SPIDR: variants seen among roughly 807,000 people sequenced by gnomAD.
SPIDR encodes the protein scaffold protein involved in DNA repair, also known as DNA repair-scaffolding protein.
SPIDR carries 93 observed loss-of-function variants against 104.6 expected under a neutral mutation model. That is an observed-to-expected ratio of 0.89 (90% CI 0.75 to 1.06). The LOEUF (loss-of-function observed/expected upper bound fraction) is 1.06. Among genes scored for constraint, SPIDR ranks in the 50% least tolerant of loss-of-function variants. The probability of loss-of-function intolerance (pLI) is 0.00; values close to 1 mark genes in which losing one functional copy is unlikely to be tolerated. For missense variants in SPIDR, 1,154 were observed against 1,111.2 expected, an observed-to-expected ratio of 1.04 and a Z score of -0.55; for synonymous variants, 431 against 416.9, an observed-to-expected ratio of 1.03 and a Z score of -0.41.
intron 8 of SPIDR, among the ~76,000 whole-genome samples, chr8:47,536,745 T>G (rs932746948): frequency 2.0e-5 from 3 of 152,214 alleles, no homozygotes; most frequent in African/African-American, 7.2e-5. Flanking sequence ...GTTTACAAGA[T>G]GAACTTTGTT....
intron 8 of SPIDR, among the ~76,000 whole-genome samples, chr8:47,493,844 A>C (rs901800367): frequency 1.3e-5 from 2 of 152,178 alleles, no homozygotes; most frequent in East Asian, 1.9e-4. Flanking sequence ...GATATTTACT[A>C]TCTAGAATGA....
chr8:47,584,298 A>G (rs2060043838), intron 8 of SPIDR, among the ~76,000 whole-genome samples: 1 of 152,170 alleles, frequency 6.6e-6, no homozygotes, highest in Admixed American at 6.5e-5. Context: ...GATAAAGGAG[A>G]CTTGTGAGTA....
chr8:47,711,678 TTCTA>T lies in SPIDR; in HGVS notation c.1978-975_1978-972del, dbSNP rs532364537. On this transcript the variant is annotated intron_variant, in intron 14 of 19. Transcript: ENST00000297423. ...CACACAACTATATCTACTTCTATATTTCTATCTATCTAAAATCATTATTTCATAC... is the reference window on the plus strand; with the variant it reads ...CACACAACTATATCTACTTCTATATTTCTATCTAAAATCATTATTTCATAC... Among the ~76,000 whole-genome samples, 53 of 152,268 alleles carry T rather than the reference TTCTA, an allele frequency of 3.5e-4. No individual in the cohort carries two copies. The East Asian group carries it at 6.9e-3, about 20-fold the overall frequency.
At chr8:47,500,998 C>G (rs1049318075) in intron 8 of SPIDR, among the ~76,000 whole-genome samples, 3 of 152,138 alleles carry the variant, frequency 2.0e-5, no homozygotes, top group Non-Finnish European at 4.4e-5. Flanking sequence ...TTCCATTGAT[C>G]TATATCTCTG....
intron 8 of SPIDR, among the ~76,000 whole-genome samples, chr8:47,564,999 C>T (rs1313044279): frequency 6.6e-6 from 1 of 152,188 alleles, no homozygotes; most frequent in Non-Finnish European, 1.5e-5. Flanking sequence ...GTAATGCCAG[C>T]ACTTTGGGAG....
chr8:47,706,401 C>G (rs1191136094), intron 14 of SPIDR, among the ~76,000 whole-genome samples: 23 of 152,018 alleles, frequency 1.5e-4, no homozygotes, highest in Admixed American at 1.4e-3. Context: ...TCAACAACAA[C>G]AACAACAAAA....
At chr8:47,542,640 G>A (rs1338229288) in intron 8 of SPIDR, among the ~76,000 whole-genome samples, 6 of 152,070 alleles carry the variant, frequency 3.9e-5, no homozygotes, top group Admixed American at 3.9e-4. Context: ...TTTATTTTGA[G>A]GTAATTGTAG....
chr8:47,670,201 A>G (rs1244927418), intron 10 of SPIDR, among the ~76,000 whole-genome samples: 4 of 152,142 alleles, frequency 2.6e-5, no homozygotes, highest in African/African-American at 7.2e-5. Context: ...CTGGTCCCCA[A>G]GGCTTGGCCT....
chr8:47,321,201 T>C (rs556998825), intron 5 of SPIDR, among the ~76,000 whole-genome samples: 6 of 152,152 alleles, frequency 3.9e-5, no homozygotes, highest in African/African-American at 1.2e-4. Flanking sequence ...AACCCCATCG[T>C]CTCAGCCCAA....
intron 8 of SPIDR, among the ~76,000 whole-genome samples, chr8:47,531,873 G>GA (rs555212756): frequency 5.3e-5 from 8 of 151,668 alleles, no homozygotes; most frequent in Non-Finnish European, 1.0e-4. Context: ...ATTAAGAGAA[G>GA]AAAAAAATAG....
At chr8:47,547,198 C>A in intron 8 of SPIDR, 1 of 646,672 alleles carries the variant, frequency 1.5e-6, no homozygotes. Flanking sequence ...TCCTTTTGTG[C>A]CCACGAAGAT....
At chr8:47,260,912 A>G (rs144931464), upstream of SPIDR, 12,772 of 1,213,914 alleles carry the variant, frequency 0.011, 80 homozygotes, top group Middle Eastern at 0.023. Context: ...CCGAGGTGGG[A>G]CGGCGGCGCG....
intron 8 of SPIDR, chr8:47,527,379 C>G (rs1223789002): frequency 6.6e-6 from 1 of 152,180 alleles, no homozygotes; most frequent in Non-Finnish European, 1.5e-5. Context: ...GAGGCACAGG[C>G]TTACTAAAGA....
At chr8:47,352,278 C>A (rs80253687) in intron 5 of SPIDR, among the ~76,000 whole-genome samples, 315 of 130,490 alleles carry the variant, frequency 2.4e-3, no homozygotes, top group Middle Eastern at 3.8e-3. Flanking sequence ...TCCATCTCAA[C>A]AAAAAAAAAA....
chr8:47,604,735 A>T (rs150044003), intron 10 of SPIDR, among the ~76,000 whole-genome samples: 1 of 152,270 alleles, frequency 6.6e-6, no homozygotes, highest in African/African-American at 2.4e-5. Context: ...AGATGAGAAA[A>T]ACTATAGTGA....
At chr8:47,490,800 A>C (rs141687116) in intron 8 of SPIDR, among the ~76,000 whole-genome samples, 2 of 152,282 alleles carry the variant, frequency 1.3e-5, no homozygotes, top group Non-Finnish European at 2.9e-5. Context: ...GGAAAATGAG[A>C]ACACTTGGAC....
intron 9 of SPIDR, among the ~76,000 whole-genome samples, chr8:47,598,298 C>A (rs1276771347): frequency 6.6e-6 from 1 of 152,156 alleles, no homozygotes; most frequent in Non-Finnish European, 1.5e-5. Context: ...TGGGCAAGAT[C>A]TGTGGTCTCT....
At chr8:47,543,527 A>T (rs1296261214) in intron 8 of SPIDR, among the ~76,000 whole-genome samples, 1 of 152,198 alleles carries the variant, frequency 6.6e-6, no homozygotes, top group East Asian at 1.9e-4. Context: ...AGAACAAGCA[A>T]TTTAAGAGAG....
chr8:47,262,589 G>T (rs2032773050), intron 1 of SPIDR, among the ~76,000 whole-genome samples: 1 of 152,152 alleles, frequency 6.6e-6, no homozygotes, highest in Non-Finnish European at 1.5e-5. Flanking sequence ...TCACAACAGG[G>T]TCCTGGCTTT....
Sources: gnomAD v4.1 joint callset for allele counts (sites outside exome capture counted in the v4.1 genomes callset) on GRCh38, gnomAD v4.1.1 for gene constraint, MANE v1.5 for transcripts, NCBI Gene and HGNC (gene_info 2026-07-23, HGNC 2026-07-21) for gene names.